Variants in ARMC8 observed in about 807,000 individuals in gnomAD.
ARMC8 encodes the protein armadillo repeat containing 8, also known as armadillo repeat-containing protein 8.
Under a neutral mutation model 99.3 loss-of-function variants are expected in ARMC8, and 20 were observed. The observed-to-expected ratio is 0.20, with a 90% CI of 0.14 to 0.29. The LOEUF (loss-of-function observed/expected upper bound fraction) is 0.29, where lower values mean the gene tolerates loss of function less well. ARMC8 is among the 10% of genes least tolerant of loss of function. The probability of loss-of-function intolerance (pLI) is 1.00; values close to 1 mark genes in which losing one functional copy is unlikely to be tolerated. For synonymous variants in ARMC8, 263 were observed against 278.3 expected (o/e 0.95, Z 0.55); for missense variants, 569 against 809.5 (o/e 0.70, Z 3.60).
chr3:138,290,395 G>A (rs1408277384), intron 20 of ARMC8, 151 bp from the exon 21 acceptor site: 9 of 602,092 alleles, frequency 1.5e-5, no homozygotes, highest in South Asian at 1.0e-4. Flanking sequence ...AAGCATGAGC[G>A]GGTCCAACTA....
chr3:138,224,872 AG>A (rs946962418), intron 5 of ARMC8, among the ~76,000 whole-genome samples: 19 of 152,240 alleles, frequency 1.2e-4, no homozygotes, highest in African/African-American at 3.6e-4. Flanking sequence ...TCAGACTTTG[AG>A]GAATTTACAA....
At chr3:138,262,563 A>T in intron 12 of ARMC8, 1 of 1,612,532 alleles carries the variant, frequency 6.2e-7, no homozygotes, top group South Asian at 1.1e-5. Flanking sequence ...GTGATCTTCA[A>T]CCTTGGCTGT....
intron 7 of ARMC8, 146 bp from the exon 8 acceptor site, chr3:138,237,163 G>A (rs1051934159): frequency 1.2e-5 from 8 of 679,342 alleles, no homozygotes; most frequent in Middle Eastern, 4.0e-4. Flanking sequence ...CTCTGCAGCT[G>A]TACAGGTGTT....
At chr3:138,250,090 G>A (rs776373599) in intron 12 of ARMC8, among the ~76,000 whole-genome samples, 1 of 152,118 alleles carries the variant, frequency 6.6e-6, no homozygotes. Flanking sequence ...TGAAGAAAGC[G>A]AAGAGTGAGA....
intron 1 of ARMC8, among the ~76,000 whole-genome samples, chr3:138,193,300 A>T (rs1423921915): frequency 2.7e-5 from 4 of 149,128 alleles, no homozygotes; most frequent in Admixed American, 2.7e-4. Flanking sequence ...TTGCTCTGTC[A>T]TCCGGGCTGG....
rs2048940482 is a variant in ARMC8, at chr3:138,273,080, A to G, written c.1593A>G (p.Thr531=). The change falls in exon 17 of 22, where the codon ACA becomes ACG. Residue 531 remains threonine, a synonymous_variant. Coordinates refer to ENST00000469044, the MANE Select transcript of ARMC8 (RefSeq NM_001363941.2). ...SDSDLNVLMK[T]LGLLRNLLST... is the part of the protein sequence containing the mutation. ...CAGATTTGAATGTGCTGATGAAGACATTGGGACTTCTTAGAAATCTCCTCT... is the reference window on the plus strand; with the variant it reads ...CAGATTTGAATGTGCTGATGAAGACGTTGGGACTTCTTAGAAATCTCCTCT... 2 of 1,613,142 alleles carry G rather than the reference A, an allele frequency of 1.2e-6. No individual in the cohort carries two copies. The highest frequency in any genetic ancestry group is 1.7e-5 in the Admixed American group (1 of 59,912).
Position 138,190,429 on chromosome 3 carries a change from G to A in ARMC8, c.45+2830G>A, listed in dbSNP as rs571947812. ...AGTCTCCTGAGTAGCTGGGATTACAGGCATCCACTACCATGCCTGGCTAAT... is the reference window on the plus strand; with the variant it reads ...AGTCTCCTGAGTAGCTGGGATTACAAGCATCCACTACCATGCCTGGCTAAT... On this transcript the variant is annotated intron_variant, in intron 1 of 21. Transcript: ENST00000469044. Among the ~76,000 whole-genome samples, 19 of 151,976 alleles carry A rather than the reference G, an allele frequency of 1.3e-4. No homozygotes were observed. In the South Asian group the frequency reaches 3.5e-3, roughly 28 times the overall value.
intron 1 of ARMC8, among the ~76,000 whole-genome samples, chr3:138,195,307 T>G (rs1170026857): frequency 6.7e-6 from 1 of 150,040 alleles, no homozygotes; most frequent in East Asian, 1.9e-4. Flanking sequence ...AAAAAGAAAC[T>G]ATCTCAAAAA....
intron 12 of ARMC8, among the ~76,000 whole-genome samples, chr3:138,257,979 T>C (rs2047490416): frequency 6.6e-6 from 1 of 152,204 alleles, no homozygotes; most frequent in Non-Finnish European, 1.5e-5. Flanking sequence ...AGAGTTTAAT[T>C]CCAGGTCCTT....
At chr3:138,196,348 A>G (rs183696765) in intron 1 of ARMC8, among the ~76,000 whole-genome samples, 1 of 152,312 alleles carries the variant, frequency 6.6e-6, no homozygotes, top group Non-Finnish European at 1.5e-5. Context: ...TCAGTTGGAA[A>G]AAAAGGTTGA....
chr3:138,198,694 A>G (rs2043880459), intron 1 of ARMC8, among the ~76,000 whole-genome samples: 1 of 151,748 alleles, frequency 6.6e-6, no homozygotes, highest in Non-Finnish European at 1.5e-5. Context: ...TTGTATTTTT[A>G]GTAGAGCCGA....
chr3:138,187,943 C>T (rs917915898), intron 1 of ARMC8: 2 of 354,706 alleles, frequency 5.6e-6, no homozygotes, highest in African/African-American at 2.1e-5. Flanking sequence ...TGCCGCTTCC[C>T]GGGGGCCGAA....
intron 2 of ARMC8, among the ~76,000 whole-genome samples, chr3:138,210,701 T>C (rs2044644906): frequency 6.6e-6 from 1 of 152,186 alleles, no homozygotes; most frequent in African/African-American, 2.4e-5. Flanking sequence ...TTTTCTCTAA[T>C]CCCATAAGCA....
At chr3:138,220,572 A>G (rs550075539) in intron 2 of ARMC8, among the ~76,000 whole-genome samples, 1 of 152,366 alleles carries the variant, frequency 6.6e-6, no homozygotes, top group Admixed American at 6.5e-5. Flanking sequence ...ATTTTTCTGC[A>G]ATAATCAAAA....
intron 12 of ARMC8, among the ~76,000 whole-genome samples, chr3:138,250,519 A>G (rs2108211280): frequency 6.6e-6 from 1 of 152,284 alleles, no homozygotes; most frequent in Non-Finnish European, 1.5e-5. Flanking sequence ...TCTTGTTTAT[A>G]ATTTTATTCT....
chr3:138,198,856 A>T (rs2107978886), intron 1 of ARMC8, among the ~76,000 whole-genome samples: 1 of 151,866 alleles, frequency 6.6e-6, no homozygotes, highest in South Asian at 2.1e-4. Context: ...TTTGATAAGC[A>T]CTGATTAATT....
intron 21 of ARMC8, among the ~76,000 whole-genome samples, chr3:138,294,977 C>T (rs776441397): frequency 2.6e-5 from 4 of 151,784 alleles, no homozygotes; most frequent in Non-Finnish European, 5.9e-5. Flanking sequence ...CAGCTCACTG[C>T]AACCTCCACC....
intron 16 of ARMC8, 25 bp downstream of exon 16, chr3:138,270,157 A>C: frequency 6.8e-7 from 1 of 1,474,934 alleles, no homozygotes; most frequent in Non-Finnish European, 9.5e-7. Flanking sequence ...TATATATATC[A>C]TAACTTACAA....
chr3:138,210,949 C>T (rs1009106488), intron 2 of ARMC8, among the ~76,000 whole-genome samples: 17 of 152,108 alleles, frequency 1.1e-4, no homozygotes, highest in African/African-American at 3.9e-4. Flanking sequence ...AGATACTTGA[C>T]GCTTATTTTC....
Sources: allele counts gnomAD v4.1 joint callset (sites outside exome capture counted in the v4.1 genomes callset), GRCh38; gene constraint gnomAD v4.1.1; transcripts MANE v1.5; gene names NCBI Gene and HGNC (gene_info 2026-07-23, HGNC 2026-07-21).